DAB1: variants seen among roughly 807,000 people sequenced by gnomAD.
The protein encoded by DAB1 is DAB adaptor protein 1, also known as disabled homolog 1.
Under a neutral mutation model 64.6 loss-of-function variants are expected in DAB1, and 15 were observed. That is an observed-to-expected ratio of 0.23 (90% confidence interval 0.16 to 0.36). The LOEUF is 0.36. Among genes scored for constraint, DAB1 ranks in the 10% least tolerant of loss-of-function variants. DAB1 has a pLI of 1.00. For missense variants in DAB1, 596 were observed against 706.7 expected (o/e 0.84, Z 1.78); for synonymous variants, 235 against 251.9 (o/e 0.93, Z 0.64).
At chr1:58,242,687 T>C (rs1660351639) in intron 4 of DAB1, among the ~76,000 whole-genome samples, 1 of 152,164 alleles carries the variant, frequency 6.6e-6, no homozygotes, top group Non-Finnish European at 1.5e-5. Flanking sequence ...ATGTCAGTGC[T>C]GGTCATTATT....
At position 57,019,996 on chromosome 1, in the gene DAB1, C is replaced by T. The variant is rs149796247; in HGVS notation, c.895+3535G>A. On this transcript the variant is annotated intron_variant, in intron 11 of 14. Coordinates refer to ENST00000371236, the MANE Select transcript of DAB1 (RefSeq NM_001365792.1). The stretch of plus-strand genomic sequence containing the variant: ...CAACATTTATACAGAACTTGTATGA[C>T]ATCTCTTATCTACATTATCTCATTT... Among the ~76,000 whole-genome samples the T allele has an allele frequency of 6.6e-5, 10 of 152,348 alleles. No individual in the cohort carries two copies. In the East Asian group the frequency reaches 1.9e-3, roughly 29 times the overall value.
At chr1:57,440,250 A>G (rs1339043611) in intron 7 of DAB1, among the ~76,000 whole-genome samples, 1 of 152,146 alleles carries the variant, frequency 6.6e-6, no homozygotes, top group Non-Finnish European at 1.5e-5. Context: ...ACATGTCTGG[A>G]TCCCCCACTG....
At chr1:58,262,599 A>C (rs1426702849) in intron 4 of DAB1, among the ~76,000 whole-genome samples, 4 of 152,116 alleles carry the variant, frequency 2.6e-5, no homozygotes, top group East Asian at 1.9e-4. Context: ...AACAAAAAAA[A>C]CAAAAACCTC....
intron 4 of DAB1, among the ~76,000 whole-genome samples, chr1:57,113,950 C>T (rs189444982): frequency 1.3e-5 from 2 of 152,224 alleles, no homozygotes; most frequent in Non-Finnish European, 2.9e-5. Flanking sequence ...TGCACATACT[C>T]TTAGAGTACA....
At chr1:58,150,512 C>T (rs1654860489) in exon 5 of DAB1, 1 of 151,698 alleles carries the variant, frequency 6.6e-6, no homozygotes, top group Non-Finnish European at 1.5e-5. Context: ...GCAACTTGCC[C>T]CAAAGGATTT....
chr1:58,266,288 CT>C (rs1420686626), intron 4 of DAB1, among the ~76,000 whole-genome samples: 1 of 152,152 alleles, frequency 6.6e-6, no homozygotes, highest in Non-Finnish European at 1.5e-5. Flanking sequence ...CTGAAGGGGC[CT>C]TTTCAGTGGG....
chr1:58,035,580 G>A (rs901958651), intron 5 of DAB1, among the ~76,000 whole-genome samples: 1 of 151,358 alleles, frequency 6.6e-6, no homozygotes, highest in East Asian at 1.9e-4. Flanking sequence ...AATAGCAAAT[G>A]CATCAGAATT....
chr1:58,153,347 G>T (rs2100736822), intron 4 of DAB1, among the ~76,000 whole-genome samples: 1 of 152,288 alleles, frequency 6.6e-6, no homozygotes, highest in Non-Finnish European at 1.5e-5. Context: ...AAGGAAAGCT[G>T]ATATCATTAT....
At chr1:58,355,168 TA>T (rs1174872533) in intron 3 of DAB1, among the ~76,000 whole-genome samples, 1 of 152,156 alleles carries the variant, frequency 6.6e-6, no homozygotes, top group East Asian at 1.9e-4. Context: ...TTCAGAGACT[TA>T]AAAATGCAAT....
intron 9 of DAB1, among the ~76,000 whole-genome samples, chr1:57,036,598 T>C (rs1327841455): frequency 2.0e-5 from 3 of 152,248 alleles, no homozygotes; most frequent in South Asian, 2.1e-4. Context: ...ACTTGAGTTC[T>C]AATTCATTTA....
intron 7 of DAB1, among the ~76,000 whole-genome samples, chr1:57,577,024 C>T (rs974773091): frequency 2.6e-5 from 4 of 152,200 alleles, no homozygotes; most frequent in Non-Finnish European, 5.9e-5. Context: ...CAGCTAGCAC[C>T]TTCCGTGCAG....
chr1:57,781,120 CTCTCTCTATATATATATATATATATA>C (rs1405307464), intron 6 of DAB1, among the ~76,000 whole-genome samples: 116 of 48,312 alleles, frequency 2.4e-3, no homozygotes, highest in East Asian at 8.7e-3. Flanking sequence ...CTCTCTCTCT[CTCTCTCTATATATATATATATATATA>C]TATATATATA....
At chr1:58,196,281 C>T (rs564397082) in intron 4 of DAB1, among the ~76,000 whole-genome samples, 1 of 152,262 alleles carries the variant, frequency 6.6e-6, no homozygotes, top group African/African-American at 2.4e-5. Context: ...GTTGGAGCAC[C>T]AAGTATGAGG....
chr1:57,115,033 ATCC>A (rs1460133019), intron 4 of DAB1, among the ~76,000 whole-genome samples: 1 of 152,148 alleles, frequency 6.6e-6, no homozygotes, highest in African/African-American at 2.4e-5. Context: ...GGCCAACACC[ATCC>A]TCAACACACC....
intron 5 of DAB1, among the ~76,000 whole-genome samples, chr1:58,115,176 A>G (rs1416001828): frequency 6.8e-5 from 8 of 118,130 alleles, no homozygotes; most frequent in Admixed American, 1.9e-4. Context: ...AAGTGGGCGA[A>G]GGACATGAAC....
intron 9 of DAB1, among the ~76,000 whole-genome samples, chr1:57,050,893 C>T (rs1649118477): frequency 6.6e-6 from 1 of 152,146 alleles, no homozygotes; most frequent in South Asian, 2.1e-4. Flanking sequence ...TGTAAGGGAA[C>T]TCAAATAGAA....
chr1:57,461,308 C>T (rs996997332), intron 7 of DAB1, among the ~76,000 whole-genome samples: 3 of 152,160 alleles, frequency 2.0e-5, no homozygotes, highest in Non-Finnish European at 2.9e-5. Context: ...TACAAACATA[C>T]ATTTGGTGAT....
At chr1:57,912,456 G>A (rs1167470119) in intron 5 of DAB1, among the ~76,000 whole-genome samples, 2 of 152,134 alleles carry the variant, frequency 1.3e-5, no homozygotes, top group African/African-American at 4.8e-5. Flanking sequence ...AATAATAAGA[G>A]CTATCTATGA....
intron 6 of DAB1, among the ~76,000 whole-genome samples, chr1:57,721,644 C>G (rs1374319245): frequency 2.0e-5 from 3 of 152,130 alleles, no homozygotes; most frequent in African/African-American, 7.2e-5. Flanking sequence ...GGCTCTTAGC[C>G]ACTATGTTGA....
Sources: gnomAD v4.1 joint callset for allele counts (sites outside exome capture counted in the v4.1 genomes callset) on GRCh38, gnomAD v4.1.1 for gene constraint, MANE v1.5 for transcripts, NCBI Gene and HGNC (gene_info 2026-07-23, HGNC 2026-07-21) for gene names.